SLC35F3: variants seen among roughly 807,000 people sequenced by gnomAD.
SLC35F3 encodes solute carrier family 35 member F3, also known as putative thiamine transporter SLC35F3.
Under a neutral mutation model 49.9 loss-of-function variants are expected in SLC35F3, and 25 were observed. That is an observed-to-expected ratio of 0.50 (90% confidence interval 0.37 to 0.70). SLC35F3 has a LOEUF of 0.70. Among genes scored for constraint, SLC35F3 ranks in the 30% least tolerant of loss-of-function variants. SLC35F3 has a pLI of 0.00. For synonymous variants in SLC35F3, 275 were observed against 265.4 expected (o/e 1.04, Z -0.35); for missense variants, 525 against 639.8 (o/e 0.82, Z 1.94).
At chr1:234,272,679 A>G (rs1668127101) in intron 3 of SLC35F3, among the ~76,000 whole-genome samples, 1 of 152,210 alleles carries the variant, frequency 6.6e-6, no homozygotes, top group Non-Finnish European at 1.5e-5. Flanking sequence ...TGCTTCTAGA[A>G]CAGCATTGGG....
intron 2 of SLC35F3, among the ~76,000 whole-genome samples, chr1:234,161,986 A>G (rs1461906344): frequency 6.6e-6 from 1 of 152,076 alleles, no homozygotes; most frequent in Non-Finnish European, 1.5e-5. Flanking sequence ...TTCGTATCTA[A>G]GCACAGGTCC....
At chr1:233,939,453 T>C (rs1021699055) in intron 2 of SLC35F3, among the ~76,000 whole-genome samples, 1 of 152,228 alleles carries the variant, frequency 6.6e-6, no homozygotes, top group East Asian at 1.9e-4. Flanking sequence ...ATATCCTGTC[T>C]CCGAAAAGAA....
chr1:234,197,364 C>G (rs1462076575), intron 2 of SLC35F3, among the ~76,000 whole-genome samples: 3 of 152,120 alleles, frequency 2.0e-5, no homozygotes, highest in Non-Finnish European at 4.4e-5. Context: ...GTTAGAAACT[C>G]TATTAGTGTT....
intron 3 of SLC35F3, among the ~76,000 whole-genome samples, chr1:234,260,789 A>C (rs1245346763): frequency 6.6e-6 from 1 of 152,130 alleles, no homozygotes; most frequent in Non-Finnish European, 1.5e-5. Flanking sequence ...CTCCGCATAC[A>C]TAAGTGCCTC....
intron 2 of SLC35F3, among the ~76,000 whole-genome samples, chr1:234,092,114 C>T (rs972543121): frequency 6.6e-6 from 1 of 152,164 alleles, no homozygotes; most frequent in Non-Finnish European, 1.5e-5. Context: ...AACTTGGTGC[C>T]TACTGTGAGC....
chr1:234,017,782 T>C (rs1663827052), intron 2 of SLC35F3, among the ~76,000 whole-genome samples: 1 of 151,214 alleles, frequency 6.6e-6, no homozygotes, highest in African/African-American at 2.4e-5. Flanking sequence ...TTTTTGCCAT[T>C]ACTTTCAATG....
rs530328726 is a variant in SLC35F3 at position 234,012,770 on chromosome 1, CT to C, written c.283+107015del. On this transcript the variant is annotated intron_variant, in intron 2 of 7. Transcript: ENST00000366618. ...CAAAATGGAATTTCTTATGTCTTCC[CT>C]TTCTACATAGACACAGTAACAGTCT... Among the ~76,000 whole-genome samples, 15 of 152,306 alleles carry C rather than the reference CT, an allele frequency of 9.8e-5. No individual in the cohort carries two copies. In the South Asian group the frequency reaches 3.1e-3, roughly 32 times the overall value.
chr1:233,954,213 A>G (rs937356517), intron 2 of SLC35F3, among the ~76,000 whole-genome samples: 4 of 152,146 alleles, frequency 2.6e-5, no homozygotes, highest in Non-Finnish European at 5.9e-5. Flanking sequence ...TCGCCGTGTT[A>G]GCCAGGATGG....
At chr1:234,134,448 A>T (rs1665781664) in intron 2 of SLC35F3, among the ~76,000 whole-genome samples, 1 of 148,484 alleles carries the variant, frequency 6.7e-6, no homozygotes, top group Non-Finnish European at 1.5e-5. Flanking sequence ...TAAATATCCA[A>T]ATTAAATATG....
At position 234,157,595 on chromosome 1, in the gene SLC35F3, TTTG is replaced by T. The variant is rs201980467; in HGVS notation, c.284-73819_284-73817del. Among the ~76,000 whole-genome samples, 941 of 152,302 alleles carry T rather than the reference TTTG, an allele frequency of 6.2e-3. 14 individuals carry two copies. Among genetic ancestry groups the T allele is most frequent in the African/African-American group, 0.022 (898 of 41,568 alleles). On this transcript the variant is annotated intron_variant, in intron 2 of 7. Coordinates refer to ENST00000366618, the MANE Select transcript of SLC35F3 (RefSeq NM_173508.4). Reference sequence around the variant, plus strand: ...ATGGTTGTTTTCTCTCGGGAAAGATTTTGTTTTCAGCATCCATGTCTTCACACG... The same window carrying T: ...ATGGTTGTTTTCTCTCGGGAAAGATTTTTTCAGCATCCATGTCTTCACACG...
rs111868659 is a variant in SLC35F3, at chr1:234,282,746, G to A, written c.609-26355G>A. Reference sequence around the variant, plus strand: ...CCCATTTAGCTCCTGACCCAAATCCGAACTCCTCCTCTCTGGGCCTGGCAT... The same window carrying A: ...CCCATTTAGCTCCTGACCCAAATCCAAACTCCTCCTCTCTGGGCCTGGCAT... On this transcript the variant is annotated intron_variant, in intron 3 of 7. Transcript: ENST00000366618. Among the ~76,000 whole-genome samples, 10 of 152,254 alleles carry A rather than the reference G, an allele frequency of 6.6e-5. 1 individual carries two copies. Among genetic ancestry groups the A allele is most frequent in the African/African-American group, 2.2e-4 (9 of 41,544 alleles).
intron 2 of SLC35F3, among the ~76,000 whole-genome samples, chr1:234,169,432 A>G (rs1283724838): frequency 6.6e-6 from 1 of 152,202 alleles, no homozygotes; most frequent in Non-Finnish European, 1.5e-5. Flanking sequence ...ACAAGGACAA[A>G]GCGTTCCCGG....
intron 3 of SLC35F3, among the ~76,000 whole-genome samples, chr1:234,241,815 C>A (rs1471776624): frequency 6.6e-6 from 1 of 151,900 alleles, no homozygotes; most frequent in Non-Finnish European, 1.5e-5. Context: ...CAAATCAGCT[C>A]GCCTGGAACA....
At chr1:234,119,812 A>G (rs145707563) in intron 2 of SLC35F3, among the ~76,000 whole-genome samples, 1 of 152,356 alleles carries the variant, frequency 6.6e-6, no homozygotes, top group Non-Finnish European at 1.5e-5. Context: ...CCTATTATAT[A>G]ACAAATAGAC....
intron 2 of SLC35F3, among the ~76,000 whole-genome samples, chr1:233,975,593 T>G (rs1331145532): frequency 1.3e-5 from 2 of 152,122 alleles, no homozygotes; most frequent in East Asian, 1.9e-4. Context: ...AGACATGATA[T>G]CCATGATGGG....
chr1:234,183,434 T>C lies in SLC35F3; in HGVS notation c.284-47983T>C, dbSNP rs75355674. On this transcript the variant is annotated intron_variant, in intron 2 of 7. Coordinates refer to ENST00000366618, the MANE Select transcript of SLC35F3 (RefSeq NM_173508.4). ...TTAAGAAAATGCATATGGTTGTTTT[T>C]TACGTATGTAAATATTTCAGAGTGA... Among the ~76,000 whole-genome samples the C allele has an allele frequency of 1.1e-4, 16 of 143,384 alleles. 2 individuals carry two copies. The highest frequency in any genetic ancestry group is 2.4e-4 in the Non-Finnish European group (16 of 67,188). 94.1% of individuals were successfully genotyped at this position (143,384 alleles called of 152,430 possible).
At chr1:234,093,995 GACC>G (rs1414457546) in intron 2 of SLC35F3, among the ~76,000 whole-genome samples, 8 of 152,216 alleles carry the variant, frequency 5.3e-5, no homozygotes, top group Admixed American at 2.6e-4. Context: ...CCAAGCAGCA[GACC>G]GCCCAGACGG....
At chr1:233,997,728 A>G (rs1663483662) in intron 2 of SLC35F3, among the ~76,000 whole-genome samples, 1 of 152,018 alleles carries the variant, frequency 6.6e-6, no homozygotes, top group African/African-American at 2.4e-5. Context: ...GGAATGAACA[A>G]CTGCTAACAT....
intron 3 of SLC35F3, among the ~76,000 whole-genome samples, chr1:234,296,737 C>A (rs1288676156): frequency 6.6e-6 from 1 of 152,192 alleles, no homozygotes; most frequent in Non-Finnish European, 1.5e-5. Context: ...GCAAAATAAC[C>A]AGCTGGTCCC....
Sources: allele counts gnomAD v4.1 joint callset (sites outside exome capture counted in the v4.1 genomes callset), GRCh38; gene constraint gnomAD v4.1.1; transcripts MANE v1.5; gene names NCBI Gene and HGNC (gene_info 2026-07-23, HGNC 2026-07-21).